The following RAB28 variants were observed in gnomAD, a reference collection of about 807,000 sequenced individuals.
The protein encoded by RAB28 is ras-related protein Rab-28.
RAB28 carries 24 observed loss-of-function variants against 31.7 expected under a neutral mutation model. That is an observed-to-expected ratio of 0.76 (90% CI 0.55 to 1.06). RAB28 has a LOEUF of 1.06. RAB28 is among the 50% of genes least tolerant of loss of function. RAB28 has a pLI of 0.00. For synonymous variants in RAB28, 100 were observed against 90.4 expected, an observed-to-expected ratio of 1.11 and a Z score of -0.60; for missense variants, 254 against 258.5, an observed-to-expected ratio of 0.98 and a Z score of 0.12.
intron 4 of RAB28, among the ~76,000 whole-genome samples, chr4:13,420,857 T>A (rs192525475): frequency 8.0e-4 from 122 of 152,176 alleles, no homozygotes; most frequent in African/African-American, 2.8e-3. Context: ...AAGACAAGGA[T>A]TCCTTTCTCA....
intron 3 of RAB28, among the ~76,000 whole-genome samples, chr4:13,471,698 A>G (rs1399157786): frequency 1.3e-5 from 2 of 152,004 alleles, no homozygotes; most frequent in Non-Finnish European, 2.9e-5. Flanking sequence ...TCATCATCTC[A>G]GAATTCCCAG....
At chr4:13,425,732 T>C (rs1258291160) in intron 4 of RAB28, among the ~76,000 whole-genome samples, 1 of 152,228 alleles carries the variant, frequency 6.6e-6, no homozygotes, top group African/African-American at 2.4e-5. Flanking sequence ...TCTGTTTTGC[T>C]TTAGTTGTAC....
intron 6 of RAB28, among the ~76,000 whole-genome samples, chr4:13,372,838 G>A (rs9291610): frequency 0.094 from 14,288 of 151,930 alleles, 1,322 homozygotes; most frequent in African/African-American, 0.24. Context: ...GCAAATTAAG[G>A]TAACTAAAAT....
rs58965843 is a variant in RAB28, at chr4:13,375,794, CAGAG to C, written c.573+747_573+750del. 3.0e-3 allele frequency among the ~76,000 whole-genome samples: 447 copies of C among 148,200 alleles called. 1 individual carries two copies. Among genetic ancestry groups the C allele is most frequent in the African/African-American group, 0.011 (418 of 39,376 alleles). On this transcript the variant is annotated intron_variant, in intron 6 of 6. Transcript: ENST00000330852. ...ACACACACACACACACACACACACACAGAGAGAGAGAGAGACCATGAGAAAAAGA... is the reference window on the plus strand; with the variant it reads ...ACACACACACACACACACACACACACAGAGAGAGAGACCATGAGAAAAAGA...
intron 3 of RAB28, among the ~76,000 whole-genome samples, chr4:13,472,176 T>C (rs935365739): frequency 2.0e-5 from 3 of 151,788 alleles, no homozygotes; most frequent in Admixed American, 1.3e-4. Context: ...AGAGATGGAG[T>C]GTCACTTGCC....
rs183813079 is a variant in RAB28, at chr4:13,399,779, A to G, written c.392-18185T>C. ...ACGGCCTTTTTCTTGTAGATTTGAA[A>G]AAGTATACCAGTCTTTTTCAGTTAT... On this transcript the variant is annotated intron_variant, in intron 4 of 6. Transcript: ENST00000330852. Among the ~76,000 whole-genome samples, 4 of 152,224 alleles carry G rather than the reference A, an allele frequency of 2.6e-5. No individual in the cohort carries two copies. In the East Asian group the frequency reaches 5.8e-4, roughly 22 times the overall value.
Position 13,368,590 on chromosome 4 carries a change from G to A in RAB28, c.634C>T (p.Pro212Ser). 1 of 1,612,374 alleles carries A rather than the reference G, an allele frequency of 6.2e-7. No homozygotes were observed. Among genetic ancestry groups the A allele is most frequent in the Non-Finnish European group, 8.5e-7 (1 of 1,179,032 alleles). Residue 212 changes from proline to serine, a missense_variant, in exon 7 of 7, where the codon CCT becomes TCT. Pro to Ser is a moderately conservative substitution (Grantham distance 74, BLOSUM62 -1). Transcript: ENST00000330852. ...ACTGCACACATAGAGCTTCTAGGAG[G>A]GTTAACAGTCCTTGACATAGGTTCC... ...NQEPMSRTVN[P>S]PRSSMCAVQ
At chr4:13,389,584 C>CA (rs2108889242) in intron 4 of RAB28, among the ~76,000 whole-genome samples, 1 of 152,196 alleles carries the variant, frequency 6.6e-6, no homozygotes, top group East Asian at 1.9e-4. Flanking sequence ...TTGAAGTACT[C>CA]ATCACTTACC....
At chr4:13,419,220 C>T (rs76452142) in intron 4 of RAB28, among the ~76,000 whole-genome samples, 2,440 of 152,174 alleles carry the variant, frequency 0.016, 75 homozygotes, top group African/African-American at 0.055. Context: ...TATACATGCA[C>T]GCAATACAGG....
rs113849946 is a variant in RAB28, at chr4:13,463,994, T to A, written c.262-3166A>T. ...CTTGGACTGATCAGAAAACTGATAT[T>A]GCAAGGCAAATCATCACCCTGAAAT... On this transcript the variant is annotated intron_variant, in intron 3 of 6. Transcript: ENST00000330852. Among the ~76,000 whole-genome samples, 423 of 152,172 alleles carry A rather than the reference T, an allele frequency of 2.8e-3. 5 individuals carry two copies. The highest frequency in any genetic ancestry group is 9.0e-3 in the African/African-American group (373 of 41,534).
chr4:13,442,027 T>C (rs1714443408), intron 4 of RAB28, among the ~76,000 whole-genome samples: 1 of 152,204 alleles, frequency 6.6e-6, no homozygotes, highest in Admixed American at 6.5e-5. Context: ...ATCAAATTTA[T>C]AATACATATA....
intron 4 of RAB28, among the ~76,000 whole-genome samples, chr4:13,420,050 T>C (rs185748557): frequency 1.7e-3 from 252 of 151,634 alleles, no homozygotes; most frequent in African/African-American, 5.7e-3. Context: ...ATCAAATAGA[T>C]GCAATAAAAA....
chr4:13,419,882 A>G (rs372886083), intron 4 of RAB28, among the ~76,000 whole-genome samples: 4 of 151,974 alleles, frequency 2.6e-5, no homozygotes, highest in Admixed American at 1.3e-4. Context: ...GCTAGCAGAA[A>G]GCAAGAAATA....
At chr4:13,465,754 A>AACACACACACACACAC (rs33979911) in intron 3 of RAB28, among the ~76,000 whole-genome samples, 401 of 142,178 alleles carry the variant, frequency 2.8e-3, no homozygotes, top group African/African-American at 9.9e-3. Context: ...GGCAATCATG[A>AACACACACACACACAC]ACACACACAC....
At position 13,381,689 on chromosome 4, in the gene RAB28, T is replaced by G. The variant is rs371702410; in HGVS notation, c.392-95A>C. The G allele has an allele frequency of 3.6e-4, 314 of 863,160 alleles. 3 individuals are homozygous for G. The South Asian group carries it at 5.4e-3, about 15-fold the overall frequency. The allele number at this position is 863,160 out of a possible 1,614,324, so 53.5% of individuals were successfully genotyped here. A position where few individuals can be genotyped will look rare whatever the true frequency, so the allele number is the denominator to read the frequency against. On this transcript the variant is annotated intron_variant, in intron 4 of 6. Coordinates refer to ENST00000330852, the MANE Select transcript of RAB28 (RefSeq NM_001017979.3). The stretch of plus-strand genomic sequence containing the variant: ...ATTTGACTTGCTTTCCAATATTATA[T>G]TCCAGCTTCGACATCAGCTGTGCAA...
chr4:13,456,397 A>C (rs1171696063), intron 4 of RAB28, among the ~76,000 whole-genome samples: 3 of 152,240 alleles, frequency 2.0e-5, no homozygotes, highest in Non-Finnish European at 2.9e-5. Flanking sequence ...TTAATAAACT[A>C]ATTCATAGTT....
At chr4:13,423,014 C>T (rs1200692283) in intron 4 of RAB28, among the ~76,000 whole-genome samples, 2 of 151,648 alleles carry the variant, frequency 1.3e-5, no homozygotes, top group South Asian at 2.1e-4. Context: ...ATGATACATT[C>T]GAGGAAGTAT....
At position 13,459,868 on chromosome 4, in the gene RAB28, A is replaced by G. The variant is rs1560140982; in HGVS notation, c.391+831T>C. The G allele has an allele frequency of 3.1e-6, 4 of 1,289,128 alleles. No homozygotes were observed. In the African/African-American group the frequency reaches 4.6e-5, roughly 15 times the overall value. The allele number at this position is 1,289,128 out of a possible 1,614,324, so 79.9% of individuals were successfully genotyped here. A position where few individuals can be genotyped will look rare whatever the true frequency, so the allele number is the denominator to read the frequency against. The stretch of plus-strand genomic sequence containing the variant: ...GGGACAGAGCTGAAACTGCAATGCA[A>G]TATCATAAAATCTGCAGCTGTGTTG... On this transcript the variant is annotated intron_variant, in intron 4 of 6. Coordinates refer to ENST00000330852, the MANE Select transcript of RAB28 (RefSeq NM_001017979.3).
chr4:13,416,556 G>T (rs983676101), intron 4 of RAB28, among the ~76,000 whole-genome samples: 1 of 152,112 alleles, frequency 6.6e-6, no homozygotes, highest in East Asian at 1.9e-4. Flanking sequence ...AAAAATTAAA[G>T]GCAGAACAAT....
Sources: gnomAD v4.1 joint callset for allele counts (sites outside exome capture counted in the v4.1 genomes callset) on GRCh38, gnomAD v4.1.1 for gene constraint, MANE v1.5 for transcripts, NCBI Gene and HGNC (gene_info 2026-07-23, HGNC 2026-07-21) for gene names.